Variants in PITPNC1 observed in about 807,000 individuals in gnomAD.
PITPNC1 encodes the protein phosphatidylinositol transfer protein cytoplasmic 1, also known as cytoplasmic phosphatidylinositol transfer protein 1.
A neutral mutation model predicts 44.7 loss-of-function variants in PITPNC1; 18 were observed. That is an observed-to-expected ratio of 0.40 (90% CI 0.28 to 0.60). PITPNC1 has a LOEUF of 0.60. Ranked by LOEUF, PITPNC1 falls within the 20% of genes least tolerant of loss-of-function variation. PITPNC1 has a pLI of 0.39. For synonymous variants in PITPNC1, 141 were observed against 149.6 expected (o/e 0.94, Z 0.42); for missense variants, 290 against 418.4 (o/e 0.69, Z 2.68).
At chr17:67,545,573 C>A (rs550277394) in intron 2 of PITPNC1, among the ~76,000 whole-genome samples, 3 of 152,020 alleles carry the variant, frequency 2.0e-5, no homozygotes. Flanking sequence ...AAGACTCTGT[C>A]TCAAAATAAA....
chr17:67,692,580 A>G lies in PITPNC1; in HGVS notation c.691A>G (p.Met231Val), dbSNP rs1251567180. 1 of 1,612,010 alleles carries G rather than the reference A, an allele frequency of 6.2e-7. No individual in the cohort carries two copies. Among genetic ancestry groups the G allele is most frequent in the Non-Finnish European group, 8.5e-7 (1 of 1,178,216 alleles). The part of the protein sequence containing the change: ...AWVDEWYDMT[M>V]DEVREFERAT... ...TGTTTTTCTCCTTGAAGACATGACA[A>G]TGGATGAAGTCCGAGAATTTGAACG... Residue 231 changes from methionine to valine, a missense_variant, in exon 9 of 9, where the codon ATG (methionine) becomes GTG (valine). Physicochemically the swap from Met to Val is conservative, Grantham distance 21 (BLOSUM62 1). Transcript: ENST00000581322.
At chr17:67,493,426 T>C (rs2039889310) in intron 1 of PITPNC1, among the ~76,000 whole-genome samples, 1 of 152,268 alleles carries the variant, frequency 6.6e-6, no homozygotes, top group Admixed American at 6.5e-5. Flanking sequence ...TGCAGTCTTT[T>C]AGGAGCTCCA....
chr17:67,578,029 T>C (rs974354289), intron 4 of PITPNC1, 157 bp from the exon 5 acceptor site: 2 of 689,712 alleles, frequency 2.9e-6, no homozygotes, highest in Non-Finnish European at 5.3e-6. Context: ...AAGGCGGCTT[T>C]CCTTTGTCTG....
intron 1 of PITPNC1, among the ~76,000 whole-genome samples, chr17:67,423,146 C>T (rs925965856): frequency 3.9e-5 from 6 of 152,082 alleles, no homozygotes; most frequent in African/African-American, 1.4e-4. Context: ...AGCACGTCTG[C>T]GTTATTAACT....
chr17:67,540,857 A>C (rs1271225248), intron 2 of PITPNC1, among the ~76,000 whole-genome samples: 1 of 152,248 alleles, frequency 6.6e-6, no homozygotes, highest in Non-Finnish European at 1.5e-5. Context: ...ATCTGGCTAA[A>C]TATCTAGAAG....
intron 4 of PITPNC1, among the ~76,000 whole-genome samples, chr17:67,573,002 T>C (rs2041083956): frequency 6.6e-6 from 1 of 152,206 alleles, no homozygotes; most frequent in Admixed American, 6.5e-5. Flanking sequence ...AGAGGTAGTA[T>C]GGCTCTGCCA....
intron 5 of PITPNC1, among the ~76,000 whole-genome samples, chr17:67,584,678 G>T (rs968102224): frequency 6.6e-6 from 1 of 152,168 alleles, no homozygotes; most frequent in Non-Finnish European, 1.5e-5. Context: ...CACACCTCGG[G>T]ATTAACTGCA....
intron 1 of PITPNC1, among the ~76,000 whole-genome samples, chr17:67,405,729 C>G (rs939856163): frequency 3.3e-5 from 5 of 152,022 alleles, no homozygotes; most frequent in Admixed American, 2.6e-4. Flanking sequence ...CCTCAGCCTC[C>G]CGAGTAGCTG....
chr17:67,382,387 TCA>T, intron 1 of PITPNC1, among the ~76,000 whole-genome samples: 1 of 151,836 alleles, frequency 6.6e-6, no homozygotes, highest in East Asian at 1.9e-4. Flanking sequence ...GACATTAATT[TCA>T]GAGTAAAGAA....
intron 1 of PITPNC1, among the ~76,000 whole-genome samples, chr17:67,380,727 C>G (rs1056433274): frequency 2.0e-5 from 3 of 152,024 alleles, no homozygotes; most frequent in African/African-American, 7.2e-5. Flanking sequence ...GAGGAAGCAA[C>G]TTGAGTTTCT....
At chr17:67,592,823 G>A (rs941002693) in intron 5 of PITPNC1, among the ~76,000 whole-genome samples, 4 of 152,208 alleles carry the variant, frequency 2.6e-5, no homozygotes, top group African/African-American at 7.2e-5. Context: ...GATCACTTGA[G>A]TCCAGGAGTT....
intron 1 of PITPNC1, among the ~76,000 whole-genome samples, chr17:67,530,970 C>T (rs931133905): frequency 5.9e-5 from 9 of 152,332 alleles, no homozygotes; most frequent in African/African-American, 2.2e-4. Flanking sequence ...AGGCTGGGCA[C>T]TGTGGCTCAT....
At chr17:67,469,666 C>T (rs2039485711) in intron 1 of PITPNC1, among the ~76,000 whole-genome samples, 1 of 152,118 alleles carries the variant, frequency 6.6e-6, no homozygotes, top group South Asian at 2.1e-4. Flanking sequence ...GGTCCCTCAG[C>T]TCAGAGATTC....
intron 1 of PITPNC1, among the ~76,000 whole-genome samples, chr17:67,396,428 G>A (rs2038221278): frequency 6.6e-6 from 1 of 151,762 alleles, no homozygotes; most frequent in African/African-American, 2.4e-5. Context: ...CTGGAGTGCA[G>A]TGGCGTGATC....
chr17:67,579,710 G>A (rs2041202705), intron 5 of PITPNC1, among the ~76,000 whole-genome samples: 1 of 150,290 alleles, frequency 6.7e-6, no homozygotes, highest in South Asian at 2.1e-4. Flanking sequence ...AGGCCAAGGT[G>A]GGCAGATTGT....
chr17:67,557,238 C>T (rs959467745), intron 4 of PITPNC1, among the ~76,000 whole-genome samples: 2 of 152,196 alleles, frequency 1.3e-5, no homozygotes, highest in African/African-American at 2.4e-5. Context: ...TTGAAGGGCA[C>T]TAATCCCATC....
chr17:67,538,065 C>G (rs1447043791), intron 2 of PITPNC1, among the ~76,000 whole-genome samples: 1 of 151,632 alleles, frequency 6.6e-6, no homozygotes, highest in Non-Finnish European at 1.5e-5. Flanking sequence ...TACTAGATAT[C>G]ATTATAAAGC....
intron 1 of PITPNC1, among the ~76,000 whole-genome samples, chr17:67,502,384 G>T (rs995692383): frequency 4.6e-5 from 7 of 151,902 alleles, no homozygotes; most frequent in African/African-American, 7.3e-5. Flanking sequence ...ATGCAGATTT[G>T]GTTTAGATGT....
chr17:67,519,378 T>A (rs571069719), intron 1 of PITPNC1, among the ~76,000 whole-genome samples: 1 of 152,074 alleles, frequency 6.6e-6, no homozygotes, highest in Non-Finnish European at 1.5e-5. Flanking sequence ...GGTTTCACCA[T>A]GTTGGCCAGG....
Sources: allele counts gnomAD v4.1 joint callset (sites outside exome capture counted in the v4.1 genomes callset), GRCh38; gene constraint gnomAD v4.1.1; transcripts MANE v1.5; gene names NCBI Gene and HGNC (gene_info 2026-07-23, HGNC 2026-07-21).